AK3: variants seen among roughly 807,000 people sequenced by gnomAD.
The protein encoded by AK3 is GTP:AMP phosphotransferase AK3, mitochondrial.
A neutral mutation model predicts 23.7 loss-of-function variants in AK3; 27 were observed. The ratio of observed to expected loss-of-function variants is 1.14; its 90% CI spans 0.84 to 1.57. The LOEUF (loss-of-function observed/expected upper bound fraction) is 1.57. AK3 is among the 40% of genes most tolerant of loss of function. The pLI, the probability that AK3 is intolerant of heterozygous loss-of-function variation, is 0.00. For missense variants in AK3, 406 were observed against 285.6 expected (o/e 1.42, Z -3.04); for synonymous variants, 159 against 116.0 (o/e 1.37, Z -2.38).
At chr9:4,717,699 T>G (rs558505646) in intron 4 of AK3, among the ~76,000 whole-genome samples, 36 of 152,324 alleles carry the variant, frequency 2.4e-4, no homozygotes, top group African/African-American at 8.4e-4. Context: ...CAATATTCAG[T>G]AAATTATGTG....
chr9:4,737,188 G>T (rs1842316047), intron 1 of AK3, among the ~76,000 whole-genome samples: 1 of 147,746 alleles, frequency 6.8e-6, no homozygotes. Flanking sequence ...AAAATTAATA[G>T]CTATAATTTT....
chr9:4,712,653 TCAAC>T lies in AK3; in HGVS notation c.*319_*322del, dbSNP rs1183108194. The T allele has an allele frequency of 1.2e-5, 2 of 165,370 alleles. No individual in the cohort carries two copies. Among genetic ancestry groups the T allele is most frequent in the African/African-American group, 4.8e-5 (2 of 41,946 alleles). The allele number at this position is 165,370 out of a possible 1,614,324, so 10.2% of individuals were successfully genotyped here. On this transcript the variant is annotated 3_prime_UTR_variant, in exon 5 of 5. Transcript: ENST00000381809. ...TTTCCAGAAAAATATGGAAACTTTA[TCAAC>T]CACTTATTAACTGAACAAAAAGTTA... is the stretch of plus-strand genomic sequence containing the variant.
chr9:4,725,498 G>T (rs1216407856), intron 1 of AK3, among the ~76,000 whole-genome samples: 1 of 152,096 alleles, frequency 6.6e-6, no homozygotes, highest in Admixed American at 6.5e-5. Context: ...GCCGGGTGCA[G>T]TGGCTCCTGC....
At chr9:4,718,941 A>G (rs980597366) in intron 3 of AK3, among the ~76,000 whole-genome samples, 194 bp downstream of exon 3, 2 of 152,208 alleles carry the variant, frequency 1.3e-5, no homozygotes, top group Admixed American at 6.5e-5. Flanking sequence ...ATGAGTAACA[A>G]ACCCCTGCTG....
Position 4,722,675 on chromosome 9 carries a change from T to C in AK3, c.152-50A>G, listed in dbSNP as rs780281905. 21 of 1,611,594 alleles carry C rather than the reference T, an allele frequency of 1.3e-5. No individual in the cohort carries two copies. In the East Asian group the frequency reaches 4.5e-4, roughly 34 times the overall value. On this transcript the variant is annotated intron_variant, in intron 1 of 4. Transcript: ENST00000381809. ...CAGTAAGTGCATTTGTTTTATCCCA[T>C]TCCAGGCACCTCGGAACGAGTTGCC...
intron 2 of AK3, among the ~76,000 whole-genome samples, chr9:4,719,772 A>C (rs1414474145): frequency 6.6e-6 from 1 of 152,138 alleles, no homozygotes; most frequent in African/African-American, 2.4e-5. Flanking sequence ...TCTTCACCCA[A>C]ATCCAGGGAC....
intron 4 of AK3, among the ~76,000 whole-genome samples, chr9:4,713,976 T>TACACACCTCCACATA (rs1563780934): frequency 1.0e-4 from 1 of 9,832 alleles, no homozygotes; most frequent in East Asian, 1.7e-3. Flanking sequence ...ACCTCCACAT[T>TACACACCTCCACATA]TACACACCTA....
chr9:4,735,924 G>C (rs888681375), intron 1 of AK3, among the ~76,000 whole-genome samples: 1 of 151,222 alleles, frequency 6.6e-6, no homozygotes, highest in South Asian at 2.1e-4. Context: ...AGACCAGCCC[G>C]GCTAACATGG....
chr9:4,735,390 AATAT>A (rs1324305860), intron 1 of AK3, among the ~76,000 whole-genome samples: 1 of 23,880 alleles, frequency 4.2e-5, no homozygotes, highest in African/African-American at 1.5e-4. Flanking sequence ...TACATATATA[AATAT>A]ATATACATAT....
chr9:4,722,165 G>A (rs975869507), intron 2 of AK3, among the ~76,000 whole-genome samples: 16 of 152,068 alleles, frequency 1.1e-4, no homozygotes, highest in African/African-American at 1.9e-4. Flanking sequence ...TCAAGGATTC[G>A]GCCATACTCC....
intron 1 of AK3, among the ~76,000 whole-genome samples, chr9:4,728,443 T>C (rs10122113): frequency 0.5 from 76,088 of 151,970 alleles, 20,478 homozygotes; most frequent in East Asian, 0.75. Context: ...TGGTGGTGCA[T>C]GCCTGTAGTC....
In AK3 at chr9:4,730,780, A is replaced by G. The variant is rs867654822; in HGVS notation, c.152-8155T>C. On this transcript the variant is annotated intron_variant, in intron 1 of 4. Transcript: ENST00000381809. Reference sequence around the variant, plus strand: ...TTAGATTGATATCTTAAACATTCTAAATAGATTTTTGTGTGATGAGAAAGA... The same window carrying G: ...TTAGATTGATATCTTAAACATTCTAGATAGATTTTTGTGTGATGAGAAAGA... Among the ~76,000 whole-genome samples the G allele has an allele frequency of 2.0e-5, 3 of 152,196 alleles. No homozygotes were observed. The South Asian group carries it at 6.2e-4, about 31-fold the overall frequency.
In AK3 at chr9:4,710,423, GTTA is replaced by G. The variant is rs1841528360; in HGVS notation, c.*2550_*2552del. ...TTTAGTAGAGACGGGGTTTCACCGT[GTTA>G]GCCAGGATGGTCTCGATCTCCTGAC... is the stretch of plus-strand genomic sequence containing the variant. On this transcript the variant is annotated 3_prime_UTR_variant, in exon 5 of 5. Coordinates refer to ENST00000381809, the MANE Select transcript of AK3 (RefSeq NM_016282.4). The G allele has an allele frequency of 8.8e-6, 1 of 113,802 alleles. No individual in the cohort carries two copies. The highest frequency in any genetic ancestry group is 2.1e-5 in the Non-Finnish European group (1 of 47,316). The allele number at this position is 113,802 out of a possible 1,614,324, so 7.0% of individuals were successfully genotyped here. A position where few individuals can be genotyped will look rare whatever the true frequency, so the allele number is the denominator to read the frequency against.
At position 4,731,570 on chromosome 9, in the gene AK3, T is replaced by C. The variant is rs548844524; in HGVS notation, c.152-8945A>G. 1.2e-4 allele frequency among the ~76,000 whole-genome samples: 9 copies of C among 75,784 alleles called. No individual in the cohort carries two copies. In the South Asian group the frequency reaches 5.1e-3, roughly 43 times the overall value. The allele number at this position is 75,784 out of a possible 152,430, so 49.7% of individuals were successfully genotyped here. On this transcript the variant is annotated intron_variant, in intron 1 of 4. Coordinates refer to ENST00000381809, the MANE Select transcript of AK3 (RefSeq NM_016282.4). ...AGCCTATAATGCTTCAATTGAAGCT[T>C]ACTTAAAAAAAAAAAAAGACTTAAC...
intron 1 of AK3, among the ~76,000 whole-genome samples, chr9:4,735,332 AATATATATATACATATATAAAT>A (rs1563798365): frequency 7.8e-3 from 100 of 12,792 alleles, no homozygotes; most frequent in Admixed American, 0.012. Flanking sequence ...TACATATATA[AATATATATATACATATATAAAT>A]ATATATATAC....
intron 1 of AK3, among the ~76,000 whole-genome samples, chr9:4,740,261 C>A (rs1587664989): frequency 6.6e-6 from 1 of 152,150 alleles, no homozygotes; most frequent in South Asian, 2.1e-4. Context: ...ACAAATTCAC[C>A]CATTGTATAG....
At position 4,712,229 on chromosome 9, in the gene AK3, A is replaced by C. The variant is rs1334567703; in HGVS notation, c.*747T>G. ...TTACATTTTGTTGAAAATTCATTCA[A>C]CTTTGGTGCTTGTAAAAGCACTTAT... On this transcript the variant is annotated 3_prime_UTR_variant, in exon 5 of 5. Coordinates refer to ENST00000381809, the MANE Select transcript of AK3 (RefSeq NM_016282.4). The C allele has an allele frequency of 1.3e-5, 2 of 152,176 alleles. No homozygotes were observed. The highest frequency in any genetic ancestry group is 4.8e-5 in the African/African-American group (2 of 41,444). The allele number at this position is 152,176 out of a possible 1,614,324, so 9.4% of individuals were successfully genotyped here.
chr9:4,714,018 A>ATACACGCCTACACGTACACGCCTACACG (rs1563781011), intron 4 of AK3, among the ~76,000 whole-genome samples: 1 of 137,932 alleles, frequency 7.2e-6, no homozygotes, highest in African/African-American at 2.7e-5. Flanking sequence ...ACACCTACAC[A>ATACACGCCTACACGTACACGCCTACACG]TATACAGCTA....
At chr9:4,738,760 A>C in intron 1 of AK3, among the ~76,000 whole-genome samples, 1 of 105,036 alleles carries the variant, frequency 9.5e-6, no homozygotes, top group Admixed American at 9.8e-5. Context: ...AATATGCTTT[A>C]CTTTTTTTTT....
Sources: allele counts gnomAD v4.1 joint callset (sites outside exome capture counted in the v4.1 genomes callset), GRCh38; gene constraint gnomAD v4.1.1; transcripts MANE v1.5; gene names NCBI Gene and HGNC (gene_info 2026-07-23, HGNC 2026-07-21).